SDK2: variants seen among roughly 807,000 people sequenced by gnomAD.
SDK2 encodes the protein sidekick cell adhesion molecule 2.
In SDK2, 105 loss-of-function variants were observed where a neutral mutation model predicts 253.9. The ratio of observed to expected loss-of-function variants is 0.41; its 90% CI spans 0.35 to 0.49. The LOEUF is 0.49. SDK2 is among the 20% of genes least tolerant of loss of function. The pLI, the probability that SDK2 is intolerant of heterozygous loss-of-function variation, is 0.06. For missense variants in SDK2, 2,608 were observed against 3,003.0 expected (o/e 0.87, Z 3.07); for synonymous variants, 1,249 against 1,234.9 (o/e 1.01, Z -0.24).
intron 1 of SDK2, among the ~76,000 whole-genome samples, chr17:73,626,027 C>T (rs909097279): frequency 3.3e-5 from 5 of 152,160 alleles, no homozygotes; most frequent in Non-Finnish European, 7.4e-5. Flanking sequence ...GCTATACCCC[C>T]TTTCCGAGCT....
At chr17:73,412,443 C>A (rs533903075) in intron 18 of SDK2, among the ~76,000 whole-genome samples, 1 of 151,798 alleles carries the variant, frequency 6.6e-6, no homozygotes, top group Non-Finnish European at 1.5e-5. Context: ...TGGTCTACTG[C>A]TATTATTACT....
intron 8 of SDK2, 106 bp downstream of exon 8, chr17:73,437,633 G>T: frequency 3.1e-6 from 3 of 983,248 alleles, no homozygotes; most frequent in Non-Finnish European, 4.9e-6. Context: ...TCTGCCTAGT[G>T]ACATGGTCTC....
intron 4 of SDK2, among the ~76,000 whole-genome samples, chr17:73,448,102 T>C (rs2063466741): frequency 6.6e-6 from 1 of 152,224 alleles, no homozygotes; most frequent in African/African-American, 2.4e-5. Context: ...ACAGCCTCCA[T>C]GGCTGTGTGT....
rs1253631523 is a variant in SDK2, at chr17:73,336,904, G to A, written c.*1683C>T. 1.4e-5 allele frequency: 2 copies of A among 141,144 alleles called. No individual in the cohort carries two copies. The highest frequency in any genetic ancestry group is 6.8e-5 in the Admixed American group (1 of 14,754). The allele number at this position is 141,144 out of a possible 1,614,324, so 8.7% of individuals were successfully genotyped here. ...GGCTGGCCTTACAGGGCTGGCTGAG[G>A]GCACAGAGGGCCTTGGACAATGTAT... On this transcript the variant is annotated 3_prime_UTR_variant, in exon 45 of 45. Coordinates refer to ENST00000392650, the MANE Select transcript of SDK2 (RefSeq NM_001144952.2).
At position 73,358,066 on chromosome 17, in the gene SDK2, G is replaced by A. The variant is rs377432222; in HGVS notation, c.5593+13C>T. The A allele has an allele frequency of 1.4e-5, 22 of 1,613,150 alleles. No homozygotes were observed. The highest frequency in any genetic ancestry group is 1.6e-5 in the Non-Finnish European group (19 of 1,179,790). ...TGAGCTGTGGGGTCTCAGCCCAGCA[G>A]GGCGGGGCGCACCTGAAGGTCTGGC... On this transcript the variant is annotated intron_variant, in intron 40 of 44. Transcript: ENST00000392650.
At position 73,358,059 on chromosome 17, in the gene SDK2, C is replaced by T. The variant is rs764625780; in HGVS notation, c.5593+20G>A. On this transcript the variant is annotated intron_variant, in intron 40 of 44. Transcript: ENST00000392650. ...GAGATAATGAGCTGTGGGGTCTCAG[C>T]CCAGCAGGGCGGGGCGCACCTGAAG... The T allele has an allele frequency of 6.8e-6, 11 of 1,612,896 alleles. No homozygotes were observed. Among genetic ancestry groups the T allele is most frequent in the Middle Eastern group, 1.7e-4 (1 of 6,060 alleles).
In SDK2 at chr17:73,602,837, G is replaced by A. The variant is rs117450070; in HGVS notation, c.64+41188C>T. Among the ~76,000 whole-genome samples, 132 of 152,052 alleles carry A rather than the reference G, an allele frequency of 8.7e-4. 1 individual carries two copies. In the East Asian group the frequency reaches 0.021, roughly 24 times the overall value. On this transcript the variant is annotated intron_variant, in intron 1 of 44. Transcript: ENST00000392650. ...CACCTCCCAGGTCCAAGTGATTGTC[G>A]TGCCTCAGCTTCCCAAGTAGCTGAA...
intron 1 of SDK2, among the ~76,000 whole-genome samples, chr17:73,508,794 G>A (rs779842067): frequency 2.6e-4 from 39 of 152,214 alleles, no homozygotes; most frequent in South Asian, 4.1e-4. Flanking sequence ...ACCTCCCTCC[G>A]TGAAGCCAAA....
At chr17:73,591,923 G>A (rs796223071) in intron 1 of SDK2, among the ~76,000 whole-genome samples, 2 of 152,060 alleles carry the variant, frequency 1.3e-5, no homozygotes, top group Admixed American at 6.6e-5. Context: ...GGAGTGCAGC[G>A]GAGACTCGAG....
In SDK2 at chr17:73,455,896, A is replaced by T. The variant is rs1254931146; in HGVS notation, c.479+10T>A. 6.5e-7 allele frequency: 1 copy of T among 1,530,222 alleles called. No individual in the cohort carries two copies. The highest frequency in any genetic ancestry group is 8.8e-7 in the Non-Finnish European group (1 of 1,139,682). The allele number at this position is 1,530,222 out of a possible 1,614,324, so 94.8% of individuals were successfully genotyped here. ...CTCCCCTCCCCGTCCCCTCAGAGCG[A>T]TGCACTCACATGCGGCTGCTGGGCG... On this transcript the variant is annotated intron_variant, in intron 4 of 44. Coordinates refer to ENST00000392650, the MANE Select transcript of SDK2 (RefSeq NM_001144952.2). This position sits in a 1 kb window ranked among gnomAD's most constrained non-coding sequence, Gnocchi z 5.0.
chr17:73,369,062 C>T (rs2062712247), intron 36 of SDK2: 6 of 400,396 alleles, frequency 1.5e-5, no homozygotes, highest in South Asian at 1.1e-4. Flanking sequence ...TTTCTGGAAC[C>T]TTCCTTTTCA....
chr17:73,567,098 T>C (rs1318970805), intron 1 of SDK2, among the ~76,000 whole-genome samples: 4 of 152,168 alleles, frequency 2.6e-5, no homozygotes, highest in Non-Finnish European at 4.4e-5. Context: ...ATCCCTTCCA[T>C]GACAGGCCCA....
At chr17:73,419,431 T>C in intron 15 of SDK2, 125 bp from the exon 16 acceptor site, 1 of 1,034,812 alleles carries the variant, frequency 9.7e-7, no homozygotes, top group Non-Finnish European at 1.4e-6. Context: ...TGTGTGCATC[T>C]GGGCAAGTTA....
chr17:73,534,431 G>A lies in SDK2; in HGVS notation c.65-26834C>T, dbSNP rs562439344. Reference sequence around the variant, plus strand: ...AGTGCTAAAGAGACGATTGCCGACAGATGCCTGACCTCTGAGAGGCCTGGG... The same window carrying A: ...AGTGCTAAAGAGACGATTGCCGACAAATGCCTGACCTCTGAGAGGCCTGGG... On this transcript the variant is annotated intron_variant, in intron 1 of 44. Coordinates refer to ENST00000392650, the MANE Select transcript of SDK2 (RefSeq NM_001144952.2). This position sits in a 1 kb window ranked among gnomAD's most constrained non-coding sequence, Gnocchi z 4.9. Among the ~76,000 whole-genome samples the A allele has an allele frequency of 6.6e-6, 1 of 152,164 alleles. No homozygotes were observed. The highest frequency in any genetic ancestry group is 2.4e-5 in the African/African-American group (1 of 41,418).
chr17:73,390,293 T>C lies in SDK2; in HGVS notation c.4186A>G (p.Lys1396Glu), dbSNP rs752368771. ...AAEALVVTTE[K>E]RDRPQPPSRP... is the part of the protein sequence containing the mutation. The stretch of plus-strand genomic sequence containing the variant: ...GGCCCCCGTGGGCAGTCACCTCTCT[T>C]CTCGGTGGTCACCACCAAGGCCTCG... The change falls in exon 29 of 45, where the codon AAG (lysine) becomes GAG (glutamate). Residue 1396 changes from lysine (K) to glutamate (E), a missense_variant. Coordinates refer to ENST00000392650, the MANE Select transcript of SDK2 (RefSeq NM_001144952.2). 1.9e-6 allele frequency: 3 copies of C among 1,580,962 alleles called. No individual in the cohort carries two copies. Among genetic ancestry groups the C allele is most frequent in the Non-Finnish European group, 2.6e-6 (3 of 1,167,418 alleles).
rs1314766666 is a variant in SDK2, at chr17:73,467,922, C to T, written c.331+4190G>A. Among the ~76,000 whole-genome samples, 1 of 152,224 alleles carries T rather than the reference C, an allele frequency of 6.6e-6. No homozygotes were observed. The highest frequency in any genetic ancestry group is 1.5e-5 in the Non-Finnish European group (1 of 68,040). On this transcript the variant is annotated intron_variant, in intron 3 of 44. Transcript: ENST00000392650. This position sits in a 1 kb window ranked among gnomAD's most constrained non-coding sequence, Gnocchi z 4.1. ...GGGGGAGGTTAACCTGGGTCTCTCT[C>T]TCTGCTCCCCCTTCAGCCACTCCAA...
At chr17:73,380,567 C>T (rs1460821844) in intron 34 of SDK2, among the ~76,000 whole-genome samples, 4 of 152,186 alleles carry the variant, frequency 2.6e-5, no homozygotes, top group Non-Finnish European at 5.9e-5. Context: ...ACCACGTGGA[C>T]ACCTGCCCAC....
chr17:73,455,268 C>T lies in SDK2; in HGVS notation c.479+638G>A, dbSNP rs879394732. Among the ~76,000 whole-genome samples, 5 of 152,116 alleles carry T rather than the reference C, an allele frequency of 3.3e-5. No homozygotes were observed. The highest frequency in any genetic ancestry group is 7.2e-5 in the African/African-American group (3 of 41,428). Reference sequence around the variant, plus strand: ...GGAGGGCGGGGAGACGGGTGTATCTCGGGAGGAACTGCTTTGTTGCTCGCC... The same window carrying T: ...GGAGGGCGGGGAGACGGGTGTATCTTGGGAGGAACTGCTTTGTTGCTCGCC... On this transcript the variant is annotated intron_variant, in intron 4 of 44. Coordinates refer to ENST00000392650, the MANE Select transcript of SDK2 (RefSeq NM_001144952.2). This position sits in a 1 kb window ranked among gnomAD's most constrained non-coding sequence, Gnocchi z 5.0.
intron 25 of SDK2, 137 bp from the exon 26 acceptor site, chr17:73,394,461 T>C: frequency 2.0e-6 from 1 of 490,198 alleles, no homozygotes; most frequent in Non-Finnish European, 3.5e-6. Flanking sequence ...GCACACATGG[T>C]CCCCAAACTG....
Sources: gnomAD v4.1 joint callset for allele counts (sites outside exome capture counted in the v4.1 genomes callset) on GRCh38, gnomAD v4.1.1 for gene constraint, Gnocchi (gnomAD v3.1) non-coding constraint, MANE v1.5 for transcripts, NCBI Gene and HGNC (gene_info 2026-07-23, HGNC 2026-07-21) for gene names.